The following PTPRD variants were observed in gnomAD, a reference collection of about 807,000 sequenced individuals.
The protein encoded by PTPRD is receptor-type tyrosine-protein phosphatase delta.
A neutral mutation model predicts 214.5 loss-of-function variants in PTPRD; 34 were observed. The observed-to-expected ratio is 0.16, with a 90% CI of 0.12 to 0.21. The LOEUF is 0.21. Ranked by LOEUF, PTPRD falls within the 10% of genes least tolerant of loss-of-function variation. PTPRD has a pLI of 1.00. For missense variants in PTPRD, 2,545 were observed against 2,398.7 expected, an observed-to-expected ratio of 1.06 and a Z score of -1.27; for synonymous variants, 1,128 against 845.7, an observed-to-expected ratio of 1.33 and a Z score of -5.79.
intron 9 of PTPRD, among the ~76,000 whole-genome samples, chr9:9,231,326 A>G (rs1279896594): frequency 2.0e-5 from 3 of 152,182 alleles, no homozygotes; most frequent in Non-Finnish European, 4.4e-5. Context: ...GGAAAAGCCA[A>G]ATTAGAAATA....
At chr9:10,226,445 AG>A in intron 3 of PTPRD, among the ~76,000 whole-genome samples, 1 of 152,152 alleles carries the variant, frequency 6.6e-6, no homozygotes, top group East Asian at 1.9e-4. Context: ...GCTGAGTATG[AG>A]GGAGGCAGCT....
intron 2 of PTPRD, among the ~76,000 whole-genome samples, chr9:10,402,288 T>C (rs2098281861): frequency 6.6e-6 from 1 of 151,646 alleles, no homozygotes; most frequent in South Asian, 2.1e-4. Flanking sequence ...GACAAAAATA[T>C]TTATAACAAT....
chr9:8,710,344 G>A (rs2098305028), intron 12 of PTPRD, among the ~76,000 whole-genome samples: 1 of 152,092 alleles, frequency 6.6e-6, no homozygotes, highest in Non-Finnish European at 1.5e-5. Context: ...AGGCCATGCA[G>A]GGTGGCTTAT....
intron 35 of PTPRD, among the ~76,000 whole-genome samples, chr9:8,423,914 T>A (rs985574180): frequency 9.2e-5 from 14 of 152,178 alleles, no homozygotes; most frequent in Non-Finnish European, 1.8e-4. Context: ...TCTGATGAAT[T>A]ATTTCTAGCC....
rs111376371 is a variant in PTPRD at position 9,339,765 on chromosome 9, T to C, written c.-203+57684A>G. ...TAAGAACATTGCTTATTACCCTAAA[T>C]GATTGCTTCAGAATGAAAGATGCTC... On this transcript the variant is annotated intron_variant, in intron 9 of 45. Coordinates refer to ENST00000381196, the MANE Select transcript of PTPRD (RefSeq NM_002839.4). Among the ~76,000 whole-genome samples the C allele has an allele frequency of 7.6e-3, 1,157 of 152,292 alleles. 4 individuals are homozygous for C. Among genetic ancestry groups the C allele is most frequent in the Non-Finnish European group, 0.013 (888 of 68,024 alleles).
intron 12 of PTPRD, among the ~76,000 whole-genome samples, chr9:8,659,357 G>C (rs1270182206): frequency 2.0e-5 from 3 of 152,104 alleles, no homozygotes; most frequent in Non-Finnish European, 2.9e-5. Context: ...TTAAGACAAG[G>C]CAACAATTCC....
intron 31 of PTPRD, among the ~76,000 whole-genome samples, chr9:8,466,732 T>C (rs2096551597): frequency 1.3e-5 from 2 of 151,912 alleles, no homozygotes; most frequent in South Asian, 4.1e-4. Flanking sequence ...GTCTATGTAT[T>C]TGAGGACAAA....
At chr9:9,488,583 T>G (rs2095760521) in intron 8 of PTPRD, among the ~76,000 whole-genome samples, 1 of 152,166 alleles carries the variant, frequency 6.6e-6, no homozygotes, top group African/African-American at 2.4e-5. Flanking sequence ...AAGGCTATTA[T>G]TTTTAAAGTT....
chr9:10,229,780 C>G (rs1026287923), intron 3 of PTPRD, among the ~76,000 whole-genome samples: 4 of 151,406 alleles, frequency 2.6e-5, no homozygotes, highest in Non-Finnish European at 5.9e-5. Flanking sequence ...TGCAGCACAC[C>G]AACATAGCAC....
chr9:10,178,115 G>A (rs1593253936), intron 3 of PTPRD, among the ~76,000 whole-genome samples: 1 of 151,878 alleles, frequency 6.6e-6, no homozygotes, highest in African/African-American at 2.4e-5. Context: ...AGTAAGGACT[G>A]GTTGTCCACC....
At chr9:10,492,677 G>T (rs746733924) in intron 2 of PTPRD, among the ~76,000 whole-genome samples, 3 of 152,094 alleles carry the variant, frequency 2.0e-5, no homozygotes, top group Non-Finnish European at 2.9e-5. Context: ...TGTTCACTCT[G>T]ATGAGACTTT....
At chr9:9,280,433 T>G (rs1947271747) in intron 9 of PTPRD, among the ~76,000 whole-genome samples, 1 of 151,136 alleles carries the variant, frequency 6.6e-6, no homozygotes, top group Non-Finnish European at 1.5e-5. Context: ...TATTGAAAGG[T>G]TGCAGAATAT....
chr9:8,423,945 T>A (rs775262961), intron 35 of PTPRD, among the ~76,000 whole-genome samples: 1 of 152,166 alleles, frequency 6.6e-6, no homozygotes, highest in Non-Finnish European at 1.5e-5. Flanking sequence ...AATATATTTT[T>A]CTGTTTGACA....
intron 10 of PTPRD, among the ~76,000 whole-genome samples, chr9:9,019,381 G>A (rs398433): frequency 0.22 from 32,625 of 150,748 alleles, 3,780 homozygotes; most frequent in African/African-American, 0.26. Flanking sequence ...TTAAAATTAG[G>A]CTGAGGGCTT....
At chr9:9,659,471 G>C (rs1474842932) in intron 7 of PTPRD, among the ~76,000 whole-genome samples, 2 of 151,890 alleles carry the variant, frequency 1.3e-5, no homozygotes, top group Non-Finnish European at 2.9e-5. Context: ...TTAACGCCAG[G>C]GCTATACATC....
chr9:10,106,080 G>C (rs2098629532), intron 3 of PTPRD, among the ~76,000 whole-genome samples: 1 of 139,912 alleles, frequency 7.1e-6, no homozygotes. Flanking sequence ...GACCTAATTT[G>C]TGCATAATAT....
chr9:9,673,806 A>C, intron 7 of PTPRD, among the ~76,000 whole-genome samples: 1 of 151,686 alleles, frequency 6.6e-6, no homozygotes, highest in East Asian at 1.9e-4. Context: ...AAGACAGATT[A>C]CATATAAGGA....
At chr9:9,446,223 G>C (rs1385774981) in intron 8 of PTPRD, among the ~76,000 whole-genome samples, 1 of 152,088 alleles carries the variant, frequency 6.6e-6, no homozygotes, top group Non-Finnish European at 1.5e-5. Flanking sequence ...TTCCCTGAGA[G>C]TTACAATCAT....
rs867675516 is a variant in PTPRD, at chr9:9,158,596, T to C, written c.-143+24708A>G. On this transcript the variant is annotated intron_variant, in intron 10 of 45. Transcript: ENST00000381196. ...GCCTGGGTGACAGAGTGAGACTCCA[T>C]CTCGAAAATAAATAAATAAATAAAT... 5.3e-5 allele frequency among the ~76,000 whole-genome samples: 8 copies of C among 152,028 alleles called. No homozygotes were observed. In the Middle Eastern group the frequency reaches 0.014, roughly 259 times the overall value.
Sources: gnomAD v4.1 joint callset for allele counts (sites outside exome capture counted in the v4.1 genomes callset) on GRCh38, gnomAD v4.1.1 for gene constraint, MANE v1.5 for transcripts, NCBI Gene and HGNC (gene_info 2026-07-23, HGNC 2026-07-21) for gene names.